Variants in CAMKMT observed in about 807,000 individuals in gnomAD.
CAMKMT encodes the protein CaM KMT.
In CAMKMT, 53 loss-of-function variants were observed where a neutral mutation model predicts 48.0. That is an observed-to-expected ratio of 1.10 (90% CI 0.89 to 1.39). CAMKMT has a LOEUF of 1.39. Ranked by LOEUF, CAMKMT falls within the 40% of genes most tolerant of loss-of-function variation. The probability of loss-of-function intolerance (pLI) is 0.00; values close to 1 mark genes in which losing one functional copy is unlikely to be tolerated. For missense variants in CAMKMT, 428 were observed against 402.7 expected (o/e 1.06, Z -0.54); for synonymous variants, 165 against 152.3 (o/e 1.08, Z -0.61).
At chr2:44,406,191 A>G (rs1188216445) in intron 3 of CAMKMT, among the ~76,000 whole-genome samples, 3 of 152,184 alleles carry the variant, frequency 2.0e-5, no homozygotes, top group African/African-American at 7.2e-5. Flanking sequence ...TTTGTGTTTT[A>G]GTATGCCTCT....
chr2:44,707,589 G>A (rs1027743051), intron 6 of CAMKMT, 127 bp downstream of exon 6: 3 of 650,418 alleles, frequency 4.6e-6, no homozygotes, highest in Non-Finnish European at 7.5e-6. Context: ...TACATGATAA[G>A]TAATTAAGAA....
intron 7 of CAMKMT, among the ~76,000 whole-genome samples, chr2:44,738,306 A>G (rs1271477821): frequency 1.3e-5 from 2 of 152,196 alleles, no homozygotes; most frequent in Non-Finnish European, 2.9e-5. Context: ...TGTGTTGCTG[A>G]TGTTCAGTGT....
At chr2:44,457,957 G>A (rs1446023796) in intron 3 of CAMKMT, among the ~76,000 whole-genome samples, 1 of 150,826 alleles carries the variant, frequency 6.6e-6, no homozygotes, top group African/African-American at 2.4e-5. Context: ...CTGCACATTA[G>A]TGTAAAGAAC....
chr2:44,365,015 T>A (rs1572630065), intron 1 of CAMKMT, among the ~76,000 whole-genome samples: 1 of 152,228 alleles, frequency 6.6e-6, no homozygotes, highest in Non-Finnish European at 1.5e-5. Context: ...GAAGTGAATA[T>A]TTTTCTATTA....
intron 2 of CAMKMT, among the ~76,000 whole-genome samples, chr2:44,378,714 G>C (rs1284020335): frequency 3.9e-5 from 6 of 152,028 alleles, no homozygotes; most frequent in Non-Finnish European, 8.8e-5. Context: ...GGATGGTCTC[G>C]ATCTCTTGAC....
At chr2:44,370,786 G>A (rs1396194128) in intron 1 of CAMKMT, among the ~76,000 whole-genome samples, 2 of 151,996 alleles carry the variant, frequency 1.3e-5, no homozygotes, top group Admixed American at 6.6e-5. Flanking sequence ...TATTTCTATT[G>A]TCATTCAATT....
At chr2:44,691,636 T>C (rs1676661800) in intron 3 of CAMKMT, among the ~76,000 whole-genome samples, 1 of 152,178 alleles carries the variant, frequency 6.6e-6, no homozygotes. Flanking sequence ...CAGTTGGCAA[T>C]CAGATTGGAC....
intron 3 of CAMKMT, among the ~76,000 whole-genome samples, chr2:44,690,509 C>G (rs1409411650): frequency 6.6e-6 from 1 of 152,188 alleles, no homozygotes; most frequent in African/African-American, 2.4e-5. Flanking sequence ...CCTGGCTGTG[C>G]CGCTTCAGCT....
chr2:44,510,640 C>T (rs958669760), intron 3 of CAMKMT, among the ~76,000 whole-genome samples: 13 of 152,152 alleles, frequency 8.5e-5, no homozygotes, highest in Non-Finnish European at 1.3e-4. Context: ...CTGATTCCAT[C>T]GCCTACATTC....
chr2:44,765,668 T>C (rs962833126), intron 9 of CAMKMT, among the ~76,000 whole-genome samples: 1 of 152,216 alleles, frequency 6.6e-6, no homozygotes, highest in Non-Finnish European at 1.5e-5. Flanking sequence ...ATCCAGTACA[T>C]ACTTTATTCA....
intron 7 of CAMKMT, among the ~76,000 whole-genome samples, chr2:44,732,755 A>T (rs1242291391): frequency 2.6e-5 from 4 of 152,118 alleles, no homozygotes; most frequent in African/African-American, 7.2e-5. Flanking sequence ...CTCATTTTTT[A>T]AAAAATTGGG....
chr2:44,713,438 T>C (rs1677993069), intron 6 of CAMKMT, among the ~76,000 whole-genome samples: 1 of 152,170 alleles, frequency 6.6e-6, no homozygotes, highest in Non-Finnish European at 1.5e-5. Flanking sequence ...AATTTTGTTC[T>C]TCTCAGAATA....
chr2:44,436,871 A>C (rs1666295573), intron 3 of CAMKMT, among the ~76,000 whole-genome samples: 1 of 152,192 alleles, frequency 6.6e-6, no homozygotes, highest in Non-Finnish European at 1.5e-5. Flanking sequence ...TTTCATCAAA[A>C]AAATAAAAAT....
intron 3 of CAMKMT, among the ~76,000 whole-genome samples, chr2:44,634,270 A>G (rs1272725858): frequency 2.0e-5 from 3 of 151,378 alleles, no homozygotes; most frequent in East Asian, 3.9e-4. Context: ...GCCTCCCCTA[A>G]TTTCATCTCT....
At chr2:44,433,565 A>T (rs567749452) in intron 3 of CAMKMT, among the ~76,000 whole-genome samples, 4 of 152,278 alleles carry the variant, frequency 2.6e-5, no homozygotes, top group South Asian at 2.1e-4. Context: ...AGTCTAAATT[A>T]AAAAAAGTCT....
chr2:44,684,154 A>T (rs1489310036), intron 3 of CAMKMT, among the ~76,000 whole-genome samples: 1 of 152,166 alleles, frequency 6.6e-6, no homozygotes, highest in Admixed American at 6.5e-5. Flanking sequence ...TTACTGCTGG[A>T]GAGAGAAGGA....
intron 3 of CAMKMT, among the ~76,000 whole-genome samples, chr2:44,683,434 G>T (rs2104186456): frequency 6.6e-6 from 1 of 152,252 alleles, no homozygotes; most frequent in Non-Finnish European, 1.5e-5. Flanking sequence ...CCCAAACTCG[G>T]TCATTAACTA....
chr2:44,488,802 C>T (rs562664328), intron 3 of CAMKMT, among the ~76,000 whole-genome samples: 5 of 151,382 alleles, frequency 3.3e-5, no homozygotes, highest in Admixed American at 6.6e-5. Flanking sequence ...TTTTTTTAAG[C>T]ACAAGGATAC....
intron 3 of CAMKMT, among the ~76,000 whole-genome samples, chr2:44,672,962 A>G (rs1230812763): frequency 1.3e-5 from 2 of 152,166 alleles, no homozygotes; most frequent in African/African-American, 2.4e-5. Context: ...GGTTATCTGT[A>G]ATTTTCTCTT....
Sources: allele counts gnomAD v4.1 joint callset (sites outside exome capture counted in the v4.1 genomes callset), GRCh38; gene constraint gnomAD v4.1.1; transcripts MANE v1.5; gene names NCBI Gene and HGNC (gene_info 2026-07-23, HGNC 2026-07-21).